Variants in SLC8A1 observed in about 807,000 individuals in gnomAD.
SLC8A1 encodes the protein solute carrier family 8 member A1, also known as sodium/calcium exchanger 1.
A neutral mutation model predicts 68.3 loss-of-function variants in SLC8A1; 18 were observed. The observed-to-expected ratio is 0.26, with a 90% CI of 0.18 to 0.39. The LOEUF is 0.39. SLC8A1 is among the 10% of genes least tolerant of loss of function. The pLI is 1.00. For missense variants in SLC8A1, 985 were observed against 1,156.7 expected (o/e 0.85, Z 2.15); for synonymous variants, 475 against 415.5 (o/e 1.14, Z -1.74).
At chr2:40,434,856 T>A (rs1403404770) in intron 1 of SLC8A1, among the ~76,000 whole-genome samples, 1 of 152,076 alleles carries the variant, frequency 6.6e-6, no homozygotes, top group Non-Finnish European at 1.5e-5. Flanking sequence ...GTCCAGCCAG[T>A]TGTGTCGGAG....
intron 2 of SLC8A1, among the ~76,000 whole-genome samples, chr2:40,413,338 A>C (rs529339139): frequency 6.0e-4 from 92 of 152,264 alleles, no homozygotes; most frequent in Middle Eastern, 3.4e-3. Flanking sequence ...AATAGCAAAG[A>C]CTTGGAACTA....
chr2:40,429,345 C>T (rs756491099), exon 2 of SLC8A1: 7 of 1,613,862 alleles, frequency 4.3e-6, no homozygotes, highest in Non-Finnish European at 5.9e-6. Flanking sequence ...CCCTCTCATC[C>T]ACCTCCAGAA....
chr2:40,288,128 AGT>A (rs1363426439), intron 2 of SLC8A1, among the ~76,000 whole-genome samples: 2 of 152,088 alleles, frequency 1.3e-5, no homozygotes, highest in Non-Finnish European at 2.9e-5. Flanking sequence ...TGGTAATACA[AGT>A]GCCTTGGGGT....
At chr2:40,376,744 C>T (rs1445578817) in intron 2 of SLC8A1, among the ~76,000 whole-genome samples, 3 of 152,070 alleles carry the variant, frequency 2.0e-5, no homozygotes, top group Non-Finnish European at 4.4e-5. Context: ...TACTAACTGC[C>T]TCAAAAGTAT....
chr2:40,449,523 A>G (rs1702056008), intron 1 of SLC8A1, among the ~76,000 whole-genome samples: 1 of 152,238 alleles, frequency 6.6e-6, no homozygotes. Context: ...AAATAGTCCT[A>G]TAGATGTTAC....
intron 2 of SLC8A1, among the ~76,000 whole-genome samples, chr2:40,398,518 C>A (rs1687701632): frequency 6.6e-6 from 1 of 152,048 alleles, no homozygotes; most frequent in African/African-American, 2.4e-5. Flanking sequence ...AAAATAATAT[C>A]CACTATCATA....
At chr2:40,185,075 C>G (rs550976881) in intron 2 of SLC8A1, among the ~76,000 whole-genome samples, 1 of 152,200 alleles carries the variant, frequency 6.6e-6, no homozygotes, top group Non-Finnish European at 1.5e-5. Context: ...GTCACACCCA[C>G]TAGGAAGACT....
chr2:40,216,441 G>GAAAT (rs1321762431), intron 2 of SLC8A1, among the ~76,000 whole-genome samples: 2 of 151,912 alleles, frequency 1.3e-5, no homozygotes, highest in African/African-American at 4.8e-5. Flanking sequence ...ACTGCTATTG[G>GAAAT]AAATAGTACT....
At chr2:40,295,380 G>C (rs1324016680) in intron 2 of SLC8A1, among the ~76,000 whole-genome samples, 1 of 152,076 alleles carries the variant, frequency 6.6e-6, no homozygotes, top group East Asian at 1.9e-4. Context: ...TGAGATTATA[G>C]GAGTGAGCCA....
At chr2:40,384,717 GA>G (rs1683015770) in intron 2 of SLC8A1, among the ~76,000 whole-genome samples, 1 of 152,056 alleles carries the variant, frequency 6.6e-6, no homozygotes, top group South Asian at 2.1e-4. Context: ...AGGACTGGAT[GA>G]AAGCCTTTCG....
At chr2:40,468,130 C>G (rs1478892488) in intron 1 of SLC8A1, among the ~76,000 whole-genome samples, 1 of 151,946 alleles carries the variant, frequency 6.6e-6, no homozygotes, top group African/African-American at 2.4e-5. Flanking sequence ...TTAATTTGAT[C>G]TACATTATAC....
chr2:40,477,279 CT>C (rs1211840594), intron 1 of SLC8A1, among the ~76,000 whole-genome samples: 3 of 151,968 alleles, frequency 2.0e-5, no homozygotes, highest in African/African-American at 7.3e-5. Flanking sequence ...GAGAGAAAAC[CT>C]TGTGTTGTAG....
chr2:40,511,625 T>G (rs926388114), intron 1 of SLC8A1, among the ~76,000 whole-genome samples: 2 of 152,138 alleles, frequency 1.3e-5, no homozygotes, highest in Non-Finnish European at 2.9e-5. Context: ...ACATCACTGA[T>G]GACAAAACGA....
At chr2:40,236,151 T>C (rs2060337958) in intron 2 of SLC8A1, among the ~76,000 whole-genome samples, 1 of 152,026 alleles carries the variant, frequency 6.6e-6, no homozygotes, top group African/African-American at 2.4e-5. Context: ...TTCCTGGGTA[T>C]CCTTGTTGAC....
intron 1 of SLC8A1, among the ~76,000 whole-genome samples, chr2:40,443,352 A>G (rs1016354277): frequency 2.6e-5 from 4 of 152,188 alleles, no homozygotes; most frequent in African/African-American, 7.2e-5. Context: ...AGAGGACTTC[A>G]CCTACCAGAG....
At chr2:40,433,589 T>C (rs1441123219) in intron 1 of SLC8A1, among the ~76,000 whole-genome samples, 2 of 152,208 alleles carry the variant, frequency 1.3e-5, no homozygotes, top group Non-Finnish European at 2.9e-5. Flanking sequence ...AGATGTGCAA[T>C]GCACAGTACC....
rs200171566 is a variant in SLC8A1 at position 40,160,859 on chromosome 2, A to T, written c.2067T>A (p.Thr689=). 1.4e-4 allele frequency: 231 copies of T among 1,611,472 alleles called. No individual in the cohort carries two copies. Among genetic ancestry groups the T allele is most frequent in the Non-Finnish European group, 1.7e-4 (205 of 1,177,880 alleles). ...TTGTCTTCTTAATGAGTTTGTCCAC[A>T]GTACTCTAGAAATGTTGAAAAGAAA... is the stretch of plus-strand genomic sequence containing the variant. Residue 689 remains threonine (T), a synonymous_variant, in exon 6 of 8, where the codon ACT becomes ACA. Coordinates refer to ENST00000406785, the Ensembl canonical transcript of SLC8A1.
chr2:40,107,279 C>CAAAAAAAAAAAAAAAGGAAAA (rs2034264797), exon 8 of SLC8A1: 1 of 64,962 alleles, frequency 1.5e-5, no homozygotes, highest in Non-Finnish European at 2.9e-5. Flanking sequence ...GACTCCGTCT[C>CAAAAAAAAAAAAAAAGGAAAA]AAAAAAAAAA....
rs916248008 is a variant in SLC8A1 at position 40,196,209 on chromosome 2, T to C, written c.1809-18354A>G. On this transcript the variant is annotated intron_variant, in intron 2 of 7. Transcript: ENST00000406785. ...AGGACAAGGAAAAATTTTCAAGTTGTAATGTTGGTGGTGGTACGCTCAAAG... is the reference window on the plus strand; with the variant it reads ...AGGACAAGGAAAAATTTTCAAGTTGCAATGTTGGTGGTGGTACGCTCAAAG... Among the ~76,000 whole-genome samples the C allele has an allele frequency of 2.2e-4, 33 of 151,956 alleles. 1 individual carries two copies. Among genetic ancestry groups the C allele is most frequent in the Admixed American group, 2.2e-3 (33 of 15,224 alleles).
Sources: allele counts gnomAD v4.1 joint callset (sites outside exome capture counted in the v4.1 genomes callset), GRCh38; gene constraint gnomAD v4.1.1; transcripts MANE v1.5; gene names NCBI Gene and HGNC (gene_info 2026-07-23, HGNC 2026-07-21).